SUGCT: variants seen among roughly 807,000 people sequenced by gnomAD.
The protein encoded by SUGCT is succinyl-CoA:glutarate-CoA transferase.
A neutral mutation model predicts 55.0 loss-of-function variants in SUGCT; 41 were observed. The observed-to-expected ratio is 0.74, with a 90% CI of 0.58 to 0.97. The LOEUF (loss-of-function observed/expected upper bound fraction) is 0.97, where lower values mean the gene tolerates loss of function less well. Ranked by LOEUF, SUGCT falls within the 50% of genes least tolerant of loss-of-function variation. The pLI, the probability that SUGCT is intolerant of heterozygous loss-of-function variation, is 0.00. For synonymous variants in SUGCT, 187 were observed against 200.4 expected (o/e 0.93, Z 0.56); for missense variants, 568 against 547.8 (o/e 1.04, Z -0.37).
chr7:41,017,780 A>AAAAAAAG, the SUGCT span, among the ~76,000 whole-genome samples: 2 of 151,656 alleles, frequency 1.3e-5, no homozygotes, highest in Non-Finnish European at 2.9e-5. Context: ...CAAAAAAAAA[A>AAAAAAAG]AAAAAGAAAG....
At chr7:40,760,100 T>C (rs1445209016) in intron 13 of SUGCT, among the ~76,000 whole-genome samples, 1 of 152,174 alleles carries the variant, frequency 6.6e-6, no homozygotes, top group Admixed American at 6.5e-5. Context: ...ACCCAAGATA[T>C]TAAGCTGCCT....
At chr7:40,286,206 C>T (rs897629382) in intron 8 of SUGCT, among the ~76,000 whole-genome samples, 1 of 152,064 alleles carries the variant, frequency 6.6e-6, no homozygotes, top group East Asian at 1.9e-4. Flanking sequence ...AGACAACAAA[C>T]AAGTAATTAG....
chr7:40,439,715 G>A (rs1788395928), intron 9 of SUGCT, among the ~76,000 whole-genome samples: 1 of 152,104 alleles, frequency 6.6e-6, no homozygotes, highest in African/African-American at 2.4e-5. Flanking sequence ...CATCCAGTGG[G>A]AACTTCCTGA....
chr7:40,808,337 G>A (rs1231309753), intron 13 of SUGCT: 1 of 152,280 alleles, frequency 6.6e-6, no homozygotes, highest in Non-Finnish European at 1.5e-5. Context: ...GAATAAATGG[G>A]AATAGCCTTC....
intron 13 of SUGCT, among the ~76,000 whole-genome samples, chr7:40,808,711 T>C (rs1485195968): frequency 6.6e-6 from 1 of 152,206 alleles, no homozygotes; most frequent in African/African-American, 2.4e-5. Context: ...AAATATCTCT[T>C]GTGTGTGTCA....
chr7:40,872,233 C>CT, the SUGCT span, among the ~76,000 whole-genome samples: 231 of 152,078 alleles, frequency 1.5e-3, no homozygotes, highest in African/African-American at 5.3e-3. Context: ...ATCTATTCAT[C>CT]TTTTTTTTAC....
chr7:40,689,951 A>G (rs535565258), intron 12 of SUGCT, among the ~76,000 whole-genome samples: 2 of 152,350 alleles, frequency 1.3e-5, no homozygotes, highest in African/African-American at 2.4e-5. Flanking sequence ...TCAGTTCCCT[A>G]TGTCAGAAAC....
At chr7:40,321,539 T>C (rs1176753562) in intron 9 of SUGCT, among the ~76,000 whole-genome samples, 1 of 151,706 alleles carries the variant, frequency 6.6e-6, no homozygotes, top group Non-Finnish European at 1.5e-5. Context: ...TGTGCCACCA[T>C]GCCTGGATAA....
chr7:40,923,001 A>T, the SUGCT span, among the ~76,000 whole-genome samples: 1 of 152,220 alleles, frequency 6.6e-6, no homozygotes, highest in Non-Finnish European at 1.5e-5. Flanking sequence ...GCCATTTTGT[A>T]TGTGCTTCTG....
the SUGCT span, among the ~76,000 whole-genome samples, chr7:40,908,658 T>C: frequency 6.6e-6 from 1 of 152,046 alleles, no homozygotes; most frequent in Non-Finnish European, 1.5e-5. Flanking sequence ...TACCATATAA[T>C]ATAAAAAATA....
chr7:40,723,156 T>C (rs2128687276), intron 12 of SUGCT, among the ~76,000 whole-genome samples: 1 of 152,230 alleles, frequency 6.6e-6, no homozygotes. Flanking sequence ...GATGCATTTA[T>C]GTGAGGCTGG....
intron 12 of SUGCT, among the ~76,000 whole-genome samples, chr7:40,744,984 G>A (rs549186779): frequency 6.6e-6 from 1 of 152,282 alleles, no homozygotes; most frequent in Non-Finnish European, 1.5e-5. Flanking sequence ...ATATGACTGT[G>A]TTATGAAAAA....
chr7:40,359,585 C>A (rs1798052222), intron 9 of SUGCT, among the ~76,000 whole-genome samples: 2 of 152,074 alleles, frequency 1.3e-5, no homozygotes, highest in South Asian at 4.1e-4. Flanking sequence ...TGTTTACCCC[C>A]ATGATATAAG....
chr7:40,582,340 T>A (rs1797146225), intron 12 of SUGCT, among the ~76,000 whole-genome samples: 1 of 152,180 alleles, frequency 6.6e-6, no homozygotes, highest in South Asian at 2.1e-4. Context: ...ACAAATTGTG[T>A]ACTGGTTTTA....
intron 12 of SUGCT, among the ~76,000 whole-genome samples, chr7:40,697,130 A>G (rs933460727): frequency 2.0e-5 from 3 of 152,180 alleles, no homozygotes; most frequent in Admixed American, 2.0e-4. Context: ...GTGTGTATTC[A>G]TATACTTATT....
chr7:40,226,175 T>C (rs987689244), intron 6 of SUGCT, among the ~76,000 whole-genome samples: 3 of 152,200 alleles, frequency 2.0e-5, no homozygotes, highest in African/African-American at 7.2e-5. Flanking sequence ...GAATCTTGCA[T>C]GTAGGAAAGT....
At chr7:40,637,472 C>G (rs1419193704) in intron 12 of SUGCT, among the ~76,000 whole-genome samples, 3 of 152,268 alleles carry the variant, frequency 2.0e-5, no homozygotes, top group Non-Finnish European at 4.4e-5. Context: ...CGGGGAGGAC[C>G]CCTTGACCCC....
At chr7:40,192,909 A>G (rs533341736) in intron 5 of SUGCT, among the ~76,000 whole-genome samples, 6 of 151,170 alleles carry the variant, frequency 4.0e-5, no homozygotes, top group Admixed American at 6.6e-5. Flanking sequence ...CTGGGATTGC[A>G]GGTATGAGCT....
At chr7:40,377,208 CTTTT>C (rs1784630393) in intron 9 of SUGCT, among the ~76,000 whole-genome samples, 1 of 5,440 alleles carries the variant, frequency 1.8e-4, no homozygotes, top group Non-Finnish European at 4.8e-4. Context: ...CTTTTCTTTT[CTTTT>C]CTTTCTTTTC....
Sources: allele counts gnomAD v4.1 joint callset (sites outside exome capture counted in the v4.1 genomes callset), GRCh38; gene constraint gnomAD v4.1.1; transcripts MANE v1.5; gene names NCBI Gene and HGNC (gene_info 2026-07-23, HGNC 2026-07-21).